The following FARS2 variants were observed in gnomAD, a reference collection of about 807,000 sequenced individuals.
FARS2 encodes the protein phenylalanyl-tRNA synthetase 2, mitochondrial, also known as phenylalanine--tRNA ligase, mitochondrial.
A neutral mutation model predicts 46.4 loss-of-function variants in FARS2; 40 were observed. The ratio of observed to expected loss-of-function variants is 0.86; its 90% CI spans 0.67 to 1.12. FARS2 has a LOEUF of 1.12. Ranked by LOEUF, FARS2 falls within the 50% of genes most tolerant of loss-of-function variation. FARS2 has a pLI of 0.00. For missense variants in FARS2, 513 were observed against 567.9 expected (o/e 0.90, Z 0.98); for synonymous variants, 234 against 214.9 (o/e 1.09, Z -0.78).
At chr6:5,525,094 C>T (rs1391188975) in intron 4 of FARS2, among the ~76,000 whole-genome samples, 1 of 151,900 alleles carries the variant, frequency 6.6e-6, no homozygotes, top group Non-Finnish European at 1.5e-5. Flanking sequence ...CTCGGGCACT[C>T]GCTTTCCTCT....
At chr6:5,278,824 G>C (rs1314061877) in intron 1 of FARS2, among the ~76,000 whole-genome samples, 1 of 152,162 alleles carries the variant, frequency 6.6e-6, no homozygotes, top group Non-Finnish European at 1.5e-5. Context: ...TTCTCTCTCT[G>C]AAAGAAATGC....
chr6:5,702,642 T>A (rs1314383615), intron 6 of FARS2, among the ~76,000 whole-genome samples: 1 of 152,188 alleles, frequency 6.6e-6, no homozygotes, highest in African/African-American at 2.4e-5. Flanking sequence ...TGTCCCTAAG[T>A]CATAGTTGGG....
chr6:5,755,916 T>TAAGGGTAGG (rs1762178545), intron 6 of FARS2, among the ~76,000 whole-genome samples: 1 of 152,214 alleles, frequency 6.6e-6, no homozygotes, highest in Non-Finnish European at 1.5e-5. Context: ...CCTGGAATTT[T>TAAGGGTAGG]AATTTTCAGG....
rs146722503 is a variant in FARS2, at chr6:5,699,811, G to A, written c.1218-71480G>A. Among the ~76,000 whole-genome samples the A allele has an allele frequency of 3.3e-5, 5 of 152,232 alleles. No homozygotes were observed. In the South Asian group the frequency reaches 6.2e-4, roughly 19 times the overall value. On this transcript the variant is annotated intron_variant, in intron 6 of 6. Coordinates refer to ENST00000274680, the MANE Select transcript of FARS2 (RefSeq NM_006567.5). ...GCAGCACAGTTGAATTATCTGGAAG[G>A]CTTCAAAAACTGCCAATTCCCAGTT...
chr6:5,750,586 G>A (rs1761889353), intron 6 of FARS2, among the ~76,000 whole-genome samples: 1 of 152,188 alleles, frequency 6.6e-6, no homozygotes, highest in Non-Finnish European at 1.5e-5. Context: ...GGTTGCAGGT[G>A]CAGGAGGAAG....
At chr6:5,408,571 A>G (rs1020577428) in intron 3 of FARS2, among the ~76,000 whole-genome samples, 1 of 152,196 alleles carries the variant, frequency 6.6e-6, no homozygotes, top group Non-Finnish European at 1.5e-5. Context: ...GTCACGTAGC[A>G]TTTCAGGTCT....
chr6:5,711,688 G>T (rs1326043055), intron 6 of FARS2, among the ~76,000 whole-genome samples: 1 of 152,168 alleles, frequency 6.6e-6, no homozygotes, highest in South Asian at 2.1e-4. Context: ...CAACATTCCT[G>T]ACCAATGCTC....
At chr6:5,593,317 T>C (rs2013289) in intron 5 of FARS2, among the ~76,000 whole-genome samples, 127,661 of 151,780 alleles carry the variant, frequency 0.84, 53,883 homozygotes, top group African/African-American at 0.91. Context: ...CCTCTGCTGG[T>C]GCCTTTCCAA....
upstream of FARS2, chr6:5,260,679 C>G (rs532030920): frequency 6.5e-7 from 1 of 1,542,054 alleles, no homozygotes; most frequent in East Asian, 2.4e-5. Flanking sequence ...CGCTTGCTCT[C>G]TCTCAGCATC....
At chr6:5,631,860 C>T (rs890522091) in intron 6 of FARS2, among the ~76,000 whole-genome samples, 1 of 152,118 alleles carries the variant, frequency 6.6e-6, no homozygotes, top group African/African-American at 2.4e-5. Flanking sequence ...AGTTATTATA[C>T]TCATAGTTGC....
At chr6:5,643,371 G>C (rs1776918404) in intron 6 of FARS2, among the ~76,000 whole-genome samples, 1 of 152,190 alleles carries the variant, frequency 6.6e-6, no homozygotes, top group Non-Finnish European at 1.5e-5. Flanking sequence ...TTAGAAACAA[G>C]ATGTGGGCTC....
At chr6:5,461,084 G>A (rs1765216020) in intron 4 of FARS2, among the ~76,000 whole-genome samples, 1 of 151,204 alleles carries the variant, frequency 6.6e-6, no homozygotes, top group Non-Finnish European at 1.5e-5. Context: ...TGTCATTTAA[G>A]TTGGAGTGCA....
At chr6:5,424,765 A>G (rs927252059) in intron 3 of FARS2, among the ~76,000 whole-genome samples, 1 of 152,196 alleles carries the variant, frequency 6.6e-6, no homozygotes, top group Non-Finnish European at 1.5e-5. Flanking sequence ...CCTTGTGAAC[A>G]TATTTCCTAT....
At chr6:5,365,475 G>A (rs770975437) in intron 1 of FARS2, among the ~76,000 whole-genome samples, 29 of 147,878 alleles carry the variant, frequency 2.0e-4, no homozygotes, top group Non-Finnish European at 4.0e-4. Flanking sequence ...GACTGCAGGT[G>A]TGTGCCACCA....
intron 5 of FARS2, among the ~76,000 whole-genome samples, chr6:5,591,460 C>T (rs990153149): frequency 3.3e-5 from 5 of 152,260 alleles, no homozygotes; most frequent in South Asian, 2.1e-4. Flanking sequence ...AAACACAAGA[C>T]GTGACTTCTG....
intron 4 of FARS2, among the ~76,000 whole-genome samples, chr6:5,447,435 A>G (rs1764245056): frequency 6.6e-6 from 1 of 152,226 alleles, no homozygotes; most frequent in South Asian, 2.1e-4. Context: ...AAAGAATTGT[A>G]GGTGAATTCC....
intron 2 of FARS2, among the ~76,000 whole-genome samples, chr6:5,382,451 A>G (rs1759852343): frequency 6.6e-6 from 1 of 152,226 alleles, no homozygotes. Context: ...AGTACAAATG[A>G]TTTTTATTTA....
At chr6:5,589,805 A>G (rs1005577049) in intron 5 of FARS2, among the ~76,000 whole-genome samples, 5 of 152,312 alleles carry the variant, frequency 3.3e-5, no homozygotes, top group African/African-American at 1.2e-4. Flanking sequence ...TCTCTATTTT[A>G]TGGATAAGTA....
chr6:5,511,124 C>T (rs1013592697), intron 4 of FARS2, among the ~76,000 whole-genome samples: 4 of 152,074 alleles, frequency 2.6e-5, no homozygotes, highest in African/African-American at 4.8e-5. Flanking sequence ...ATTGGTCCAA[C>T]GTTTAGTCAA....
Sources: gnomAD v4.1 joint callset for allele counts (sites outside exome capture counted in the v4.1 genomes callset) on GRCh38, gnomAD v4.1.1 for gene constraint, MANE v1.5 for transcripts, NCBI Gene and HGNC (gene_info 2026-07-23, HGNC 2026-07-21) for gene names.